The following CHRDL1 variants were observed in gnomAD, a reference collection of about 807,000 sequenced individuals.
The protein encoded by CHRDL1 is chordin like 1.
CHRDL1 carries 19 observed loss-of-function variants against 40.9 expected under a neutral mutation model. That is an observed-to-expected ratio of 0.46 (90% confidence interval 0.32 to 0.68). The LOEUF (loss-of-function observed/expected upper bound fraction) is 0.68. CHRDL1 is among the 30% of genes least tolerant of loss of function. CHRDL1 has a pLI of 0.03. For missense variants in CHRDL1, 329 were observed against 352.1 expected (o/e 0.93, Z 0.53); for synonymous variants, 136 against 123.4 (o/e 1.10, Z -0.68).
chrX:110,708,892 C>A (rs960439337), intron 6 of CHRDL1, among the ~76,000 whole-genome samples: 1 of 111,300 alleles, frequency 9.0e-6, no homozygotes, highest in East Asian at 2.8e-4. Context: ...CCATATCTGG[C>A]CCCTGGAAAG....
intron 8 of CHRDL1, among the ~76,000 whole-genome samples, chrX:110,689,043 C>A (rs1442964803): frequency 4.3e-5 from 4 of 92,800 alleles, no homozygotes; most frequent in Non-Finnish European, 8.4e-5. Context: ...TGGCCTCAGA[C>A]ATAGTAGGCA....
chrX:110,759,737 G>A lies in CHRDL1; in HGVS notation c.225C>T (p.Cys75=), dbSNP rs771825898. ...CICSENGNVL[C]SRVRCPNVHC... Reference sequence around the variant, plus strand: ...GAACATTTGGACATCTGACTCGGCTGCAAAGCACATTCCCATTCTGAAAAA... The same window carrying A: ...GAACATTTGGACATCTGACTCGGCTACAAAGCACATTCCCATTCTGAAAAA... Residue 75 remains cysteine (C), a synonymous_variant, in exon 4 of 12, where the codon TGC becomes TGT. Coordinates refer to ENST00000372042, the MANE Select transcript of CHRDL1 (RefSeq NM_001143981.2). 4.2e-6 allele frequency: 5 copies of A among 1,194,660 alleles called. No individual in the cohort carries two copies. The Admixed American group carries it at 8.7e-5, about 21-fold the overall frequency.
At chrX:110,703,008 T>C (rs947004084) in intron 6 of CHRDL1, among the ~76,000 whole-genome samples, 18 of 111,600 alleles carry the variant, frequency 1.6e-4, no homozygotes, top group African/African-American at 5.9e-4. Context: ...CCCTAGAGAG[T>C]CTGTAAATTC....
intron 4 of CHRDL1, among the ~76,000 whole-genome samples, chrX:110,734,302 G>A (rs2071224714): frequency 8.9e-6 from 1 of 112,059 alleles, no homozygotes. Context: ...TCCAGATTCT[G>A]TGGCTCTAAG....
chrX:110,759,603 T>C, intron 4 of CHRDL1, 58 bp downstream of exon 4: 2 of 810,525 alleles, frequency 2.5e-6, no homozygotes, highest in South Asian at 4.1e-5. Flanking sequence ...TGAGTTGAGT[T>C]GGGTGAAGAG....
intron 1 of CHRDL1, among the ~76,000 whole-genome samples, chrX:110,792,966 C>T (rs1388170567): frequency 8.9e-6 from 1 of 112,306 alleles, no homozygotes; most frequent in Non-Finnish European, 1.9e-5. Flanking sequence ...TACAGTTCTT[C>T]AAAACATGAG....
chrX:110,675,253 G>C lies in CHRDL1; in HGVS notation c.*978C>G, dbSNP rs2069749937. 1 of 111,458 alleles carries C rather than the reference G, an allele frequency of 9.0e-6. No homozygotes were observed. The highest frequency in any genetic ancestry group is 3.3e-5 in the African/African-American group (1 of 30,705). 9.2% of individuals were successfully genotyped at this position (111,458 alleles called of 1,213,427 possible). A position where few individuals can be genotyped will look rare whatever the true frequency, so the allele number is the denominator to read the frequency against. ...ATTAGTGAGTACTGATCTATTACTT[G>C]GTAAATTTTATTGATGTGAAAGCAA... On this transcript the variant is annotated 3_prime_UTR_variant, in exon 12 of 12. Transcript: ENST00000372042.
At chrX:110,693,103 C>T (rs1367069081) in intron 8 of CHRDL1, among the ~76,000 whole-genome samples, 2 of 109,447 alleles carry the variant, frequency 1.8e-5, no homozygotes, top group East Asian at 2.9e-4. Flanking sequence ...AAGTAAGAAG[C>T]AGTCAATTGT....
At position 110,674,525 on chromosome X, in the gene CHRDL1, C is replaced by T. The variant is rs1201944126; in HGVS notation, c.*1706G>A. On this transcript the variant is annotated 3_prime_UTR_variant, in exon 12 of 12. Coordinates refer to ENST00000372042, the MANE Select transcript of CHRDL1 (RefSeq NM_001143981.2). Reference sequence around the variant, plus strand: ...CACACAAACTAATGCTTTGTGACCTCTCAACCGGGATGTACTGCTTCTCTC... The same window carrying T: ...CACACAAACTAATGCTTTGTGACCTTTCAACCGGGATGTACTGCTTCTCTC... The T allele has an allele frequency of 9.4e-6, 1 of 106,191 alleles. No homozygotes were observed. The highest frequency in any genetic ancestry group is 1.9e-5 in the Non-Finnish European group (1 of 52,055). 8.8% of individuals were successfully genotyped at this position (106,191 alleles called of 1,213,427 possible).
intron 6 of CHRDL1, among the ~76,000 whole-genome samples, chrX:110,707,108 C>T (rs1391738944): frequency 9.0e-6 from 1 of 111,409 alleles, no homozygotes; most frequent in Non-Finnish European, 1.9e-5. Flanking sequence ...TAGGGAGCCT[C>T]TGCCAAACAT....
chrX:110,731,248 A>G (rs1603203873), intron 4 of CHRDL1, among the ~76,000 whole-genome samples: 1 of 111,883 alleles, frequency 8.9e-6, no homozygotes, highest in East Asian at 2.8e-4. Context: ...AGTAAAGAGA[A>G]AGGCGCTATT....
intron 9 of CHRDL1, among the ~76,000 whole-genome samples, chrX:110,686,061 ATTTTC>A (rs1033735586): frequency 7.4e-5 from 8 of 108,331 alleles, no homozygotes; most frequent in African/African-American, 2.7e-4. Flanking sequence ...TACCTGGCTA[ATTTTC>A]TTTTATTTTT....
intron 4 of CHRDL1, among the ~76,000 whole-genome samples, chrX:110,747,405 A>T (rs2089275420): frequency 4.4e-5 from 1 of 22,594 alleles, no homozygotes; most frequent in African/African-American, 1.9e-4. Flanking sequence ...AAAAATCAAA[A>T]CAAAACACAC....
intron 4 of CHRDL1, 144 bp from the exon 5 acceptor site, chrX:110,721,674 T>C: frequency 2.1e-6 from 1 of 486,655 alleles, no homozygotes; most frequent in Non-Finnish European, 3.6e-6. Flanking sequence ...TTGAATAATG[T>C]TAAAACAGCC....
intron 4 of CHRDL1, among the ~76,000 whole-genome samples, chrX:110,734,414 T>C (rs989881057): frequency 8.9e-6 from 1 of 112,003 alleles, no homozygotes; most frequent in African/African-American, 3.2e-5. Flanking sequence ...TTCTTTCCTG[T>C]CAAAATTTCT....
intron 6 of CHRDL1, among the ~76,000 whole-genome samples, chrX:110,706,486 T>C (rs972904469): frequency 4.5e-5 from 5 of 111,919 alleles, no homozygotes; most frequent in African/African-American, 6.5e-5. Flanking sequence ...GTTGGCTTTC[T>C]AGTAGTGGGA....
chrX:110,777,759 T>C (rs867771688), intron 2 of CHRDL1, among the ~76,000 whole-genome samples: 32 of 111,849 alleles, frequency 2.9e-4, no homozygotes, highest in African/African-American at 1.0e-3. Context: ...TAACAGTCCT[T>C]TATCAGATAT....
At position 110,689,424 on chromosome X, in the gene CHRDL1, CTATATATCTATATATCTA is replaced by C. The variant is rs1186582461; in HGVS notation, c.779-639_779-622del. Among the ~76,000 whole-genome samples the C allele has an allele frequency of 2.4e-3, 159 of 67,291 alleles. 3 individuals are homozygous for C. The East Asian group carries it at 0.031, about 13-fold the overall frequency. The allele number at this position is 67,291 out of a possible 115,157, so 58.4% of individuals were successfully genotyped here. On this transcript the variant is annotated intron_variant, in intron 8 of 11. Transcript: ENST00000372042. Reference sequence around the variant, plus strand: ...TATATATCTATATATCTATATATATCTATATATCTATATATCTATATATATCTATATATCTATATATAT... The same window carrying C: ...TATATATCTATATATCTATATATATCTATATATCTATATATCTATATATAT...
intron 9 of CHRDL1, among the ~76,000 whole-genome samples, chrX:110,686,684 T>C (rs1291764944): frequency 2.8e-5 from 3 of 108,832 alleles, no homozygotes; most frequent in Non-Finnish European, 5.7e-5. Context: ...TCCCAGCACT[T>C]TGGGAGGCTG....
Sources: gnomAD v4.1 joint callset for allele counts (sites outside exome capture counted in the v4.1 genomes callset) on GRCh38, gnomAD v4.1.1 for gene constraint, MANE v1.5 for transcripts, NCBI Gene and HGNC (gene_info 2026-07-23, HGNC 2026-07-21) for gene names.